The following ULK4 variants were observed in gnomAD, a reference collection of about 807,000 sequenced individuals.
ULK4 encodes inactive serine/threonine-protein kinase ULK4.
In ULK4, 133 loss-of-function variants were observed where a neutral mutation model predicts 160.6. The ratio of observed to expected loss-of-function variants is 0.83; its 90% CI spans 0.72 to 0.96. The LOEUF is 0.96. Among genes scored for constraint, ULK4 ranks in the 40% least tolerant of loss-of-function variants. The pLI, the probability that ULK4 is intolerant of heterozygous loss-of-function variation, is 0.00. For synonymous variants in ULK4, 534 were observed against 539.8 expected (o/e 0.99, Z 0.15); for missense variants, 1,580 against 1,499.5 (o/e 1.05, Z -0.89).
chr3:41,678,921 T>C (rs549353381), intron 29 of ULK4, among the ~76,000 whole-genome samples: 2 of 152,344 alleles, frequency 1.3e-5, no homozygotes, highest in South Asian at 4.1e-4. Flanking sequence ...ATGGAGAGCA[T>C]GAATTTTCCA....
intron 22 of ULK4, among the ~76,000 whole-genome samples, chr3:41,731,442 C>A (rs142169173): frequency 6.6e-6 from 1 of 151,744 alleles, no homozygotes; most frequent in Non-Finnish European, 1.5e-5. Context: ...AAGCCCTCTA[C>A]AAGAAAAACT....
chr3:41,753,326 GA>G (rs903601494), intron 22 of ULK4, among the ~76,000 whole-genome samples: 5 of 149,980 alleles, frequency 3.3e-5, no homozygotes, highest in East Asian at 1.9e-4. Flanking sequence ...CTGTTACCAG[GA>G]AAAAAAAAAT....
intron 35 of ULK4, among the ~76,000 whole-genome samples, chr3:41,373,729 A>G (rs1349927879): frequency 6.6e-6 from 1 of 152,202 alleles, no homozygotes; most frequent in Non-Finnish European, 1.5e-5. Flanking sequence ...TAAAAGAACT[A>G]GAGAAGCAAG....
chr3:41,900,663 C>G, intron 13 of ULK4, 62 bp downstream of exon 13: 4 of 1,251,320 alleles, frequency 3.2e-6, no homozygotes, highest in Non-Finnish European at 4.6e-6. Context: ...GAATGAAAAT[C>G]TCATGCAGAT....
intron 22 of ULK4, among the ~76,000 whole-genome samples, chr3:41,719,164 G>A (rs2037370685): frequency 1.3e-5 from 2 of 152,056 alleles, no homozygotes; most frequent in Non-Finnish European, 2.9e-5. Flanking sequence ...TCCTTTATTA[G>A]CTTTCTTCTC....
intron 34 of ULK4, among the ~76,000 whole-genome samples, chr3:41,419,657 T>C (rs2125834885): frequency 6.6e-6 from 1 of 152,210 alleles, no homozygotes; most frequent in Middle Eastern, 3.4e-3. Context: ...ACTGCTTTAC[T>C]CTGGGGTACT....
intron 35 of ULK4, among the ~76,000 whole-genome samples, chr3:41,371,281 G>A (rs1293713915): frequency 6.6e-6 from 1 of 152,236 alleles, no homozygotes; most frequent in Non-Finnish European, 1.5e-5. Flanking sequence ...TCTCAGCACA[G>A]TGCTCAAGCT....
chr3:41,418,304 T>C (rs1019559664), intron 34 of ULK4, among the ~76,000 whole-genome samples: 1 of 138,948 alleles, frequency 7.2e-6, no homozygotes, highest in Non-Finnish European at 1.6e-5. Flanking sequence ...ACTACACGTA[T>C]CTTAAACATT....
intron 17 of ULK4, among the ~76,000 whole-genome samples, chr3:41,850,019 T>A (rs1168601785): frequency 1.3e-5 from 2 of 152,100 alleles, no homozygotes; most frequent in African/African-American, 2.4e-5. Flanking sequence ...TGCCCAAGTG[T>A]CCTCATTGTT....
intron 18 of ULK4, among the ~76,000 whole-genome samples, chr3:41,834,942 T>C (rs1575796999): frequency 6.6e-6 from 1 of 152,196 alleles, no homozygotes. Context: ...TATATTAATA[T>C]ATGTAAATAC....
intron 21 of ULK4, among the ~76,000 whole-genome samples, chr3:41,767,695 T>C (rs1039170402): frequency 6.6e-6 from 1 of 152,126 alleles, no homozygotes; most frequent in Admixed American, 6.6e-5. Flanking sequence ...GCAGCCAGTG[T>C]TGGAATGGTC....
At chr3:41,953,022 A>G (rs925580843) in intron 2 of ULK4, among the ~76,000 whole-genome samples, 1 of 152,054 alleles carries the variant, frequency 6.6e-6, no homozygotes, top group Non-Finnish European at 1.5e-5. Flanking sequence ...GTAGAATGAT[A>G]GTTGCCAAAA....
At chr3:41,325,512 T>C (rs746382290) in intron 35 of ULK4, among the ~76,000 whole-genome samples, 1 of 152,238 alleles carries the variant, frequency 6.6e-6, no homozygotes, top group South Asian at 2.1e-4. Flanking sequence ...ATATACGTTA[T>C]TGTTTTGGTG....
chr3:41,466,607 A>T (rs999651428), intron 32 of ULK4, among the ~76,000 whole-genome samples: 2 of 152,208 alleles, frequency 1.3e-5, no homozygotes, highest in Admixed American at 1.3e-4. Context: ...GGTAGGCAAG[A>T]TTTCTTAGGA....
At chr3:41,558,832 T>A (rs2087419529) in intron 32 of ULK4, among the ~76,000 whole-genome samples, 1 of 152,008 alleles carries the variant, frequency 6.6e-6, no homozygotes, top group Non-Finnish European at 1.5e-5. Context: ...CAAGTCATAT[T>A]TCTGTGAAGA....
At chr3:41,827,842 A>T (rs1264330328) in intron 18 of ULK4, among the ~76,000 whole-genome samples, 1 of 152,020 alleles carries the variant, frequency 6.6e-6, no homozygotes, top group Non-Finnish European at 1.5e-5. Context: ...CAGAGACACA[A>T]CCAAAAAAGA....
intron 18 of ULK4, among the ~76,000 whole-genome samples, chr3:41,824,433 A>G (rs2125636220): frequency 6.6e-6 from 1 of 152,282 alleles, no homozygotes; most frequent in South Asian, 2.1e-4. Context: ...AAGGGGTGAC[A>G]GACGGCACCT....
rs374418187 is a variant in ULK4 at position 41,305,186 on chromosome 3, CTCTCCCTCTCCCTCTCCCTCTCCCCACGG to C, written c.3679-55641_3679-55613del. ...AAGGTGATTCAAAACTGGAATAGGG[CTCTCCCTCTCCCTCTCCCTCTCCCCACGG>C]TCTCCCTCTCCCTCTCCCCACGGTC... is the stretch of plus-strand genomic sequence containing the variant. On this transcript the variant is annotated intron_variant, in intron 35 of 36. Transcript: ENST00000301831. Among the ~76,000 whole-genome samples, 45 of 96,862 alleles carry C rather than the reference CTCTCCCTCTCCCTCTCCCTCTCCCCACGG, an allele frequency of 4.6e-4. 1 individual carries two copies. The South Asian group carries it at 8.7e-3, about 19-fold the overall frequency. The allele number at this position is 96,862 out of a possible 152,430, so 63.5% of individuals were successfully genotyped here. A position where few individuals can be genotyped will look rare whatever the true frequency, so the allele number is the denominator to read the frequency against.
chr3:41,953,235 CACACATATATAT>C (rs1346482208), intron 2 of ULK4, among the ~76,000 whole-genome samples: 2 of 148,066 alleles, frequency 1.4e-5, no homozygotes, highest in African/African-American at 2.5e-5. Context: ...TATATATACA[CACACATATATAT>C]ACACATACAT....
Sources: gnomAD v4.1 joint callset for allele counts (sites outside exome capture counted in the v4.1 genomes callset) on GRCh38, gnomAD v4.1.1 for gene constraint, MANE v1.5 for transcripts, NCBI Gene and HGNC (gene_info 2026-07-23, HGNC 2026-07-21) for gene names.